Variants in RNF150 observed in about 807,000 individuals in gnomAD.
RNF150 encodes the protein ring finger protein 150.
In RNF150, 24 loss-of-function variants were observed where a neutral mutation model predicts 39.3. That is an observed-to-expected ratio of 0.61 (90% CI 0.44 to 0.86). The LOEUF (loss-of-function observed/expected upper bound fraction) is 0.86, where lower values mean the gene tolerates loss of function less well. Among genes scored for constraint, RNF150 ranks in the 40% least tolerant of loss-of-function variants. RNF150 has a pLI of 0.00. For synonymous variants in RNF150, 255 were observed against 227.3 expected (o/e 1.12, Z -1.10); for missense variants, 502 against 587.8 (o/e 0.85, Z 1.51).
intron 1 of RNF150, among the ~76,000 whole-genome samples, chr4:141,162,714 C>G (rs1177936935): frequency 6.6e-6 from 1 of 152,082 alleles, no homozygotes; most frequent in Non-Finnish European, 1.5e-5. Context: ...CAAGGAACTC[C>G]ATTTCCTAGC....
In RNF150 at chr4:141,098,642, T is replaced by C. The variant is rs1372342058; in HGVS notation, c.484+33683A>G. On this transcript the variant is annotated intron_variant, in intron 1 of 6. Transcript: ENST00000515673. ...CAATGCCTATATTCTGGTTCTATTATACATATCTAATCTCAACTCTACACA... is the reference window on the plus strand; with the variant it reads ...CAATGCCTATATTCTGGTTCTATTACACATATCTAATCTCAACTCTACACA... 6.6e-5 allele frequency among the ~76,000 whole-genome samples: 10 copies of C among 152,346 alleles called. No individual in the cohort carries two copies. In the East Asian group the frequency reaches 1.9e-3, roughly 29 times the overall value.
chr4:140,879,102 G>T (rs1729280363), intron 6 of RNF150, among the ~76,000 whole-genome samples: 1 of 152,144 alleles, frequency 6.6e-6, no homozygotes, highest in Non-Finnish European at 1.5e-5. Context: ...TGGTCTACAT[G>T]TCTGTCTTTA....
intron 1 of RNF150, among the ~76,000 whole-genome samples, chr4:141,112,762 T>A (rs184874769): frequency 1.3e-5 from 2 of 152,296 alleles, no homozygotes; most frequent in East Asian, 1.9e-4. Flanking sequence ...CGAATTTGAA[T>A]GTTGGCCTGT....
At chr4:141,036,540 A>G (rs997628988) in intron 1 of RNF150, among the ~76,000 whole-genome samples, 8 of 152,106 alleles carry the variant, frequency 5.3e-5, no homozygotes, top group Non-Finnish European at 1.0e-4. Context: ...CCACATTCAG[A>G]ATTTGGATTT....
At chr4:141,078,126 A>T (rs1737967785) in intron 1 of RNF150, among the ~76,000 whole-genome samples, 1 of 152,194 alleles carries the variant, frequency 6.6e-6, no homozygotes, top group South Asian at 2.1e-4. Flanking sequence ...TCTAAAAATG[A>T]TGGCATAAAT....
At chr4:141,097,683 T>C (rs928546142) in intron 1 of RNF150, among the ~76,000 whole-genome samples, 1 of 152,188 alleles carries the variant, frequency 6.6e-6, no homozygotes, top group South Asian at 2.1e-4. Context: ...CTTTGATTAA[T>C]AATGAGGATA....
At chr4:140,935,059 T>A (rs796835390) in intron 4 of RNF150, among the ~76,000 whole-genome samples, 2 of 48,910 alleles carry the variant, frequency 4.1e-5, no homozygotes, top group East Asian at 4.3e-4. Flanking sequence ...ATATATATTA[T>A]ATATATATAA....
chr4:141,091,784 C>A (rs1461276816), intron 1 of RNF150, among the ~76,000 whole-genome samples: 3 of 152,136 alleles, frequency 2.0e-5, no homozygotes, highest in Non-Finnish European at 1.5e-5. Flanking sequence ...GACCCACTGA[C>A]TCATATGAAA....
intron 1 of RNF150, among the ~76,000 whole-genome samples, chr4:141,143,741 T>A (rs1016479184): frequency 6.6e-6 from 1 of 152,166 alleles, no homozygotes; most frequent in Non-Finnish European, 1.5e-5. Context: ...TTTCAGATCC[T>A]CACATGCAAC....
intron 1 of RNF150, among the ~76,000 whole-genome samples, chr4:141,038,690 CA>C (rs146987858): frequency 0.013 from 1,814 of 136,038 alleles, 27 homozygotes; most frequent in African/African-American, 0.041. Flanking sequence ...GACCCTCCCT[CA>C]AAAAAAAAAA....
chr4:141,161,543 C>T (rs1594958), intron 1 of RNF150, among the ~76,000 whole-genome samples: 56,524 of 152,144 alleles, frequency 0.37, 12,842 homozygotes, highest in Non-Finnish European at 0.5. Context: ...ACTAAAAGGA[C>T]AGCAAGTGCT....
intron 1 of RNF150, among the ~76,000 whole-genome samples, chr4:141,212,296 A>C (rs1479068926): frequency 6.6e-6 from 1 of 152,210 alleles, no homozygotes; most frequent in Non-Finnish European, 1.5e-5. Context: ...TATATGTATC[A>C]TCATACTTAA....
At chr4:141,192,742 T>C (rs28404165) in intron 1 of RNF150, among the ~76,000 whole-genome samples, 1,869 of 152,336 alleles carry the variant, frequency 0.012, 37 homozygotes, top group African/African-American at 0.042. Context: ...TAATCCCTCA[T>C]TGGCTTGCCA....
chr4:141,144,228 A>G (rs1243490454), intron 1 of RNF150, among the ~76,000 whole-genome samples: 1 of 152,176 alleles, frequency 6.6e-6, no homozygotes, highest in Non-Finnish European at 1.5e-5. Flanking sequence ...GTGAATTCCA[A>G]CCACTATTTG....
intron 1 of RNF150, among the ~76,000 whole-genome samples, chr4:141,203,401 T>TTA (rs60157657): frequency 0.046 from 6,881 of 148,572 alleles, 528 homozygotes; most frequent in African/African-American, 0.16. Flanking sequence ...ATTGGAGATT[T>TTA]TATATATATA....
upstream of RNF150, among the ~76,000 whole-genome samples, chr4:141,133,711 T>G (rs572209948): frequency 7.9e-5 from 12 of 152,108 alleles, no homozygotes; most frequent in African/African-American, 2.9e-4. Flanking sequence ...ATTTAGCAAA[T>G]GTATGTGCCT....
Position 141,132,814 on chromosome 4 carries a change from T to TCCG in RNF150, c.-9_-7dup. On this transcript the variant is annotated 5_prime_UTR_variant, in exon 1 of 7. Transcript: ENST00000515673. This position sits in a 1 kb window ranked among gnomAD's most constrained non-coding sequence, Gnocchi z 4.9. ...TGGATGAGAGACATTGCCATCTTTA[T>TCCG]CCGCCGGGGCCCCCTCCCCGCCCCC... 1 of 1,607,822 alleles carries TCCG rather than the reference T, an allele frequency of 6.2e-7. No homozygotes were observed. Among genetic ancestry groups the TCCG allele is most frequent in the South Asian group, 1.1e-5 (1 of 90,934 alleles).
At chr4:140,999,900 T>C (rs1031958907) in intron 1 of RNF150, among the ~76,000 whole-genome samples, 1 of 146,870 alleles carries the variant, frequency 6.8e-6, no homozygotes, top group African/African-American at 2.5e-5. Context: ...ATCACGCCAC[T>C]GCACTCCAGC....
At chr4:141,088,325 A>T (rs1438474055) in intron 1 of RNF150, among the ~76,000 whole-genome samples, 2 of 152,176 alleles carry the variant, frequency 1.3e-5, no homozygotes, top group African/African-American at 2.4e-5. Context: ...AAAGGAAAAG[A>T]TGACAGATAA....
Sources: gnomAD v4.1 joint callset for allele counts (sites outside exome capture counted in the v4.1 genomes callset) on GRCh38, gnomAD v4.1.1 for gene constraint, Gnocchi (gnomAD v3.1) non-coding constraint, MANE v1.5 for transcripts, NCBI Gene and HGNC (gene_info 2026-07-23, HGNC 2026-07-21) for gene names.